TRPM7: variants seen among roughly 807,000 people sequenced by gnomAD.
The protein encoded by TRPM7 is transient receptor potential cation channel subfamily M member 7, also known as LTRPC ion channel family member 7.
TRPM7 carries 134 observed loss-of-function variants against 229.7 expected under a neutral mutation model. The observed-to-expected ratio is 0.58, with a 90% CI of 0.51 to 0.67. The LOEUF (loss-of-function observed/expected upper bound fraction) is 0.67, where lower values mean the gene tolerates loss of function less well. Ranked by LOEUF, TRPM7 falls within the 30% of genes least tolerant of loss-of-function variation. TRPM7 has a pLI of 0.00. For synonymous variants in TRPM7, 699 were observed against 715.2 expected, an observed-to-expected ratio of 0.98 and a Z score of 0.36; for missense variants, 1,901 against 2,210.0, an observed-to-expected ratio of 0.86 and a Z score of 2.80.
At position 50,612,576 on chromosome 15, in the gene TRPM7, G is replaced by A; in HGVS notation, c.2024C>T (p.Thr675Ile). ...GGAATACTGTTTTAGTTCTTCTGAA[G>A]TATCATCTACCAGGTCACTCTGCTT... The part of the protein sequence containing the change: ...EAKQSDLVDD[T>I]SEELKQYSND... The change falls in exon 16 of 39, where the codon ACT (threonine) becomes ATT (isoleucine). Residue 675 changes from threonine (T) to isoleucine (I), a missense_variant. Coordinates refer to ENST00000646667, the MANE Select transcript of TRPM7 (RefSeq NM_017672.6). The A allele has an allele frequency of 6.2e-7, 1 of 1,612,536 alleles. No individual in the cohort carries two copies. Among genetic ancestry groups the A allele is most frequent in the Non-Finnish European group, 8.5e-7 (1 of 1,179,066 alleles).
At chr15:50,640,060 G>T (rs2061044962) in intron 5 of TRPM7, among the ~76,000 whole-genome samples, 1 of 151,974 alleles carries the variant, frequency 6.6e-6, no homozygotes, top group Non-Finnish European at 1.5e-5. Flanking sequence ...CATGTTATTT[G>T]GTCTAGTCCG....
chr15:50,640,479 T>C (rs1371289563), intron 5 of TRPM7, among the ~76,000 whole-genome samples: 1 of 147,012 alleles, frequency 6.8e-6, no homozygotes, highest in Non-Finnish European at 1.5e-5. Flanking sequence ...TTAGAAAGTG[T>C]CTTACCATGT....
intron 7 of TRPM7, among the ~76,000 whole-genome samples, chr15:50,635,664 C>CAAAAAAAAAA (rs765054880): frequency 1.8e-5 from 1 of 56,534 alleles, no homozygotes; most frequent in Non-Finnish European, 3.8e-5. Context: ...CTCCATCTCC[C>CAAAAAAAAAA]AAAAAAAAAA....
chr15:50,655,918 A>G (rs2061553232), intron 3 of TRPM7, among the ~76,000 whole-genome samples: 1 of 151,748 alleles, frequency 6.6e-6, no homozygotes, highest in Non-Finnish European at 1.5e-5. Flanking sequence ...TGAACCTGGG[A>G]GGCAAAGGTT....
intron 4 of TRPM7, among the ~76,000 whole-genome samples, chr15:50,648,268 T>C (rs1312818099): frequency 6.6e-6 from 1 of 151,342 alleles, no homozygotes; most frequent in East Asian, 1.9e-4. Flanking sequence ...AAATATTTAA[T>C]CCAAAATAAT....
Position 50,557,430 on chromosome 15 carries a change from A to G in TRPM7, c.*4248T>C, listed in dbSNP as rs1196657025. ...TGGGGTAGACTGCTAGCTACTAACT[A>G]TGAAAACAACATAGTCTGACTTGAG... On this transcript the variant is annotated 3_prime_UTR_variant, in exon 39 of 39. Coordinates refer to ENST00000646667, the MANE Select transcript of TRPM7 (RefSeq NM_017672.6). 2.0e-5 allele frequency: 3 copies of G among 152,170 alleles called. No individual in the cohort carries two copies. The highest frequency in any genetic ancestry group is 2.0e-4 in the Admixed American group (3 of 15,266). The allele number at this position is 152,170 out of a possible 1,614,324, so 9.4% of individuals were successfully genotyped here.
intron 31 of TRPM7, among the ~76,000 whole-genome samples, chr15:50,577,985 T>C (rs2054217391): frequency 6.6e-6 from 1 of 151,450 alleles, no homozygotes; most frequent in Non-Finnish European, 1.5e-5. Context: ...CAATTTCATT[T>C]ATATAGCCAA....
chr15:50,593,181 C>T (rs2059548662), intron 25 of TRPM7, among the ~76,000 whole-genome samples: 1 of 151,984 alleles, frequency 6.6e-6, no homozygotes, highest in South Asian at 2.1e-4. Context: ...CCTAGCTACT[C>T]AGGAAACTGA....
chr15:50,648,490 G>A (rs1343911444), intron 4 of TRPM7, among the ~76,000 whole-genome samples, 197 bp downstream of exon 4: 1 of 152,054 alleles, frequency 6.6e-6, no homozygotes, highest in East Asian at 1.9e-4. Flanking sequence ...AAAATGACAA[G>A]AAACAAAACA....
intron 19 of TRPM7, among the ~76,000 whole-genome samples, chr15:50,607,825 T>C (rs920961976): frequency 6.8e-6 from 1 of 148,060 alleles, no homozygotes. Context: ...TGCAGGCAGA[T>C]CATCTGAGGT....
chr15:50,649,283 T>A (rs577130918), intron 3 of TRPM7, among the ~76,000 whole-genome samples: 2 of 151,948 alleles, frequency 1.3e-5, no homozygotes, highest in South Asian at 4.1e-4. Flanking sequence ...CAAAAAATTT[T>A]AAAAAATTAG....
intron 2 of TRPM7, among the ~76,000 whole-genome samples, chr15:50,660,644 C>T (rs2061699087): frequency 6.6e-6 from 1 of 152,144 alleles, no homozygotes; most frequent in Non-Finnish European, 1.5e-5. Flanking sequence ...AGCCACCATG[C>T]CCAGCCTAAA....
At chr15:50,637,990 G>C (rs1252161444) in intron 6 of TRPM7, among the ~76,000 whole-genome samples, 1 of 152,202 alleles carries the variant, frequency 6.6e-6, no homozygotes, top group African/African-American at 2.4e-5. Context: ...GCCGAGGCGA[G>C]TGGATTACCT....
At chr15:50,596,451 T>A in intron 22 of TRPM7, 70 bp from the exon 23 acceptor site, 1 of 1,147,510 alleles carries the variant, frequency 8.7e-7, no homozygotes, top group Non-Finnish European at 1.2e-6. Context: ...CTGCTATTCA[T>A]GAGTGTTTCT....
intron 12 of TRPM7, among the ~76,000 whole-genome samples, chr15:50,621,478 G>A (rs1000719115): frequency 4.6e-5 from 7 of 152,062 alleles, no homozygotes; most frequent in Non-Finnish European, 1.0e-4. Flanking sequence ...GTGACCTGGG[G>A]ACACCTGAGG....
intron 1 of TRPM7, among the ~76,000 whole-genome samples, chr15:50,669,296 G>A (rs1187321351): frequency 2.7e-5 from 4 of 150,494 alleles, no homozygotes; most frequent in South Asian, 2.1e-4. Flanking sequence ...TTAGCCAGGC[G>A]TGGTGGTGTG....
chr15:50,618,608 TAAATAAAC>T (rs759320393), intron 13 of TRPM7, among the ~76,000 whole-genome samples: 5,528 of 102,828 alleles, frequency 0.054, 127 homozygotes, highest in Middle Eastern at 0.11. Flanking sequence ...AATAAATAAA[TAAATAAAC>T]GTATGTTAAA....
intron 17 of TRPM7, 50 bp from the exon 18 acceptor site, chr15:50,610,011 G>A: frequency 1.2e-5 from 15 of 1,253,426 alleles, no homozygotes; most frequent in South Asian, 6.6e-5. Flanking sequence ...TGACCTTCAA[G>A]AATATAATAA....
chr15:50,584,027 G>A (rs916832751), intron 28 of TRPM7, among the ~76,000 whole-genome samples: 6 of 152,058 alleles, frequency 3.9e-5, no homozygotes, highest in African/African-American at 7.2e-5. Flanking sequence ...AAACAGTGCC[G>A]CAATGAATAA....
Sources: gnomAD v4.1 joint callset for allele counts (sites outside exome capture counted in the v4.1 genomes callset) on GRCh38, gnomAD v4.1.1 for gene constraint, MANE v1.5 for transcripts, NCBI Gene and HGNC (gene_info 2026-07-23, HGNC 2026-07-21) for gene names.